Variants in DRC8 observed in about 807,000 individuals in gnomAD.
DRC8 encodes the protein dynein regulatory complex subunit 8.
At chr1:245,039,488 A>AAGAG in the DRC8 span, among the ~76,000 whole-genome samples, 45,395 of 147,576 alleles carry the variant, frequency 0.31, 7,155 homozygotes, top group Middle Eastern at 0.34. Flanking sequence ...AAAAAAAAAA[A>AAGAG]AGAGTTTGTG....
At chr1:244,970,633 G>A in the DRC8 span, 4 of 434,940 alleles carry the variant, frequency 9.2e-6, no homozygotes, top group African/African-American at 1.1e-4. Flanking sequence ...CGCCCGGCCC[G>A]CCGCTCCGCC....
the DRC8 span, among the ~76,000 whole-genome samples, chr1:245,005,371 G>C: frequency 6.7e-6 from 1 of 149,698 alleles, no homozygotes; most frequent in Admixed American, 6.7e-5. Context: ...TTTTTTTTTA[G>C]ACGGAGCCTC....
chr1:245,020,613 CTTTTTTTTTTTTT>C, the DRC8 span, among the ~76,000 whole-genome samples: 1 of 59,704 alleles, frequency 1.7e-5, no homozygotes, highest in African/African-American at 6.3e-5. Flanking sequence ...GTTTTTCTTT[CTTTTTTTTTTTTT>C]TTTTTTTTTT....
At chr1:245,083,215 T>C in the DRC8 span, among the ~76,000 whole-genome samples, 2 of 152,110 alleles carry the variant, frequency 1.3e-5, no homozygotes. Flanking sequence ...TTGTGAACTG[T>C]GCGTGTTAGG....
chr1:245,079,082 A>G, the DRC8 span, among the ~76,000 whole-genome samples: 3 of 152,320 alleles, frequency 2.0e-5, no homozygotes, highest in African/African-American at 2.4e-5. Flanking sequence ...CAAATATAAA[A>G]TCCTTTTATA....
At chr1:245,059,680 A>C in the DRC8 span, among the ~76,000 whole-genome samples, 7 of 152,364 alleles carry the variant, frequency 4.6e-5, no homozygotes, top group African/African-American at 1.7e-4. Flanking sequence ...ACAACTGATC[A>C]AATAAAGAAC....
At chr1:245,062,486 G>A in the DRC8 span, among the ~76,000 whole-genome samples, 1 of 152,116 alleles carries the variant, frequency 6.6e-6, no homozygotes, top group African/African-American at 2.4e-5. Context: ...TCAGGGTATG[G>A]GAGCTGGGAG....
At chr1:245,081,758 C>T in the DRC8 span, among the ~76,000 whole-genome samples, 2 of 152,184 alleles carry the variant, frequency 1.3e-5, no homozygotes, top group African/African-American at 2.4e-5. Context: ...CGTGAGCCAC[C>T]ACGCCCGGCC....
At chr1:244,977,390 A>C in the DRC8 span, among the ~76,000 whole-genome samples, 1 of 152,218 alleles carries the variant, frequency 6.6e-6, no homozygotes, top group Non-Finnish European at 1.5e-5. Context: ...TGTATTGAAG[A>C]ATAAATGATG....
chr1:245,025,468 A>G, the DRC8 span, among the ~76,000 whole-genome samples: 2 of 152,234 alleles, frequency 1.3e-5, no homozygotes, highest in South Asian at 2.1e-4. Flanking sequence ...AATAAAAAAT[A>G]TCAACTTACT....
the DRC8 span, among the ~76,000 whole-genome samples, chr1:244,989,912 T>C: frequency 1.3e-5 from 2 of 151,880 alleles, no homozygotes; most frequent in Non-Finnish European, 2.9e-5. Flanking sequence ...AAACCATTCA[T>C]TTTAAATTGC....
chr1:245,051,894 A>G, the DRC8 span, among the ~76,000 whole-genome samples: 4 of 139,882 alleles, frequency 2.9e-5, no homozygotes, highest in Non-Finnish European at 6.3e-5. Context: ...CTCCAAGGCT[A>G]CGAGCACGAG....
chr1:245,111,149 G>A, the DRC8 span, among the ~76,000 whole-genome samples: 1 of 152,046 alleles, frequency 6.6e-6, no homozygotes, highest in Non-Finnish European at 1.5e-5. Context: ...TTACTTTTTG[G>A]CAATAGGGGA....
the DRC8 span, among the ~76,000 whole-genome samples, chr1:245,084,061 C>CA: frequency 3.7e-5 from 2 of 54,554 alleles, no homozygotes; most frequent in African/African-American, 9.9e-5. Flanking sequence ...ATAAAAATTC[C>CA]GCCCCCCCCC....
the DRC8 span, among the ~76,000 whole-genome samples, chr1:245,094,562 G>A: frequency 6.6e-6 from 1 of 152,130 alleles, no homozygotes; most frequent in Non-Finnish European, 1.5e-5. Context: ...TGGACCCCAG[G>A]AAGATGTCAA....
chr1:244,995,805 G>T, the DRC8 span, among the ~76,000 whole-genome samples: 1 of 152,200 alleles, frequency 6.6e-6, no homozygotes, highest in Non-Finnish European at 1.5e-5. Context: ...GCATAAAAAG[G>T]ATCTCTCTTT....
the DRC8 span, among the ~76,000 whole-genome samples, chr1:245,119,556 TGGGAGGCTAAGGC>T: frequency 6.6e-6 from 1 of 151,236 alleles, no homozygotes; most frequent in Non-Finnish European, 1.5e-5. Flanking sequence ...CCCAGCTACA[TGGGAGGCTAAGGC>T]AGGAGGCTGA....
the DRC8 span, among the ~76,000 whole-genome samples, chr1:244,984,245 A>G: frequency 2.6e-5 from 4 of 152,054 alleles, no homozygotes; most frequent in Admixed American, 6.6e-5. Flanking sequence ...TAATTACATT[A>G]TTTCTCTCCA....
the DRC8 span, among the ~76,000 whole-genome samples, chr1:245,101,423 ATTACT>A: frequency 6.6e-6 from 1 of 152,200 alleles, no homozygotes; most frequent in Non-Finnish European, 1.5e-5. Context: ...GCGGGACCAG[ATTACT>A]TTACAGGTGT....
Sources: gnomAD v4.1 joint callset for allele counts (sites outside exome capture counted in the v4.1 genomes callset) on GRCh38, gnomAD v4.1.1 for gene constraint, MANE v1.5 for transcripts, NCBI Gene and HGNC (gene_info 2026-07-23, HGNC 2026-07-21) for gene names.